BCORL1: variants seen among roughly 807,000 people sequenced by gnomAD.
The protein encoded by BCORL1 is BCL6 corepressor like 1, also known as BCL-6 corepressor-like protein 1.
Under a neutral mutation model 87.6 loss-of-function variants are expected in BCORL1, and 7 were observed. That is an observed-to-expected ratio of 0.08 (90% CI 0.05 to 0.15). The LOEUF (loss-of-function observed/expected upper bound fraction) is 0.15, where lower values mean the gene tolerates loss of function less well. BCORL1 is among the 10% of genes least tolerant of loss of function. The pLI, the probability that BCORL1 is intolerant of heterozygous loss-of-function variation, is 1.00. For synonymous variants in BCORL1, 591 were observed against 634.4 expected (o/e 0.93, Z 1.03); for missense variants, 1,215 against 1,499.7 (o/e 0.81, Z 3.13).
At chrX:129,986,307 C>A (rs1341212642) in intron 1 of BCORL1, among the ~76,000 whole-genome samples, 2 of 112,240 alleles carry the variant, frequency 1.8e-5, no homozygotes, top group Non-Finnish European at 3.8e-5. Context: ...AAGGCCCTGG[C>A]AAGCTCTGCT....
At chrX:130,055,755 T>C in intron 13 of BCORL1, 99 bp from the exon 14 acceptor site, 1 of 909,381 alleles carries the variant, frequency 1.1e-6, no homozygotes. Context: ...GAGACATTGA[T>C]GGTCGTGCAG....
At chrX:130,053,717 C>A (rs1351667170) in intron 13 of BCORL1, among the ~76,000 whole-genome samples, 1 of 111,922 alleles carries the variant, frequency 8.9e-6, no homozygotes, top group East Asian at 2.8e-4. Context: ...GTGAAAATGT[C>A]TGTTCTTCAA....
At chrX:129,985,688 A>T (rs776011677) in intron 1 of BCORL1, among the ~76,000 whole-genome samples, 1 of 110,935 alleles carries the variant, frequency 9.0e-6, no homozygotes, top group Admixed American at 9.6e-5. Flanking sequence ...AGTCATGAGG[A>T]TGTTGTTAGG....
At chrX:130,052,150 T>A (rs764059463) in intron 13 of BCORL1, 134 bp downstream of exon 13, 1 of 588,773 alleles carries the variant, frequency 1.7e-6, no homozygotes, top group South Asian at 4.3e-5. Context: ...CCTGCCCTTT[T>A]AGCCCAGAGT....
At chrX:130,012,732 G>C in intron 3 of BCORL1, 64 bp downstream of exon 3, 1 of 1,068,049 alleles carries the variant, frequency 9.4e-7, no homozygotes, top group East Asian at 3.0e-5. Flanking sequence ...CCTGGGAGGT[G>C]TGCCCAGCCT....
Position 130,037,492 on chromosome X carries a change from G to A in BCORL1, c.4653G>A (p.Glu1551=). 8.3e-7 allele frequency: 1 copy of A among 1,211,688 alleles called. No homozygotes were observed. The highest frequency in any genetic ancestry group is 1.1e-6 in the Non-Finnish European group (1 of 895,471). Residue 1551 remains glutamate, a synonymous_variant, in exon 10 of 14, where the codon GAG becomes GAA. Transcript: ENST00000540052. ...CCGACATCCTGAACATCCTGCTGGA[G>A]CACGGGGCCAACGTGAACTGCAGTG... The part of the protein sequence containing the change: ...GWTDILNILL[E]HGANVNCSAQ...
At position 130,016,167 on chromosome X, in the gene BCORL1, T is replaced by C. The variant is rs200529481; in HGVS notation, c.3395T>C (p.Leu1132Pro). 962 of 1,185,872 alleles carry C rather than the reference T, an allele frequency of 8.1e-4. No individual in the cohort carries two copies. Among genetic ancestry groups the C allele is most frequent in the Admixed American group, 7.9e-3 (325 of 41,251 alleles). ...GAGAAGGACAGTGAAGAGCAGCAGC[T>C]CCAGCCACAAGCCAAGGCCGTGGTC... ...GKEKDSEEQQ[L>P]QPQAKAVVRS... The change falls in exon 4 of 14, where the codon CTC (leucine) becomes CCC (proline). Residue 1132 changes from leucine (L) to proline (P), a missense_variant. Around this residue, in one of 5 missense-constraint regions of BCORL1, gnomAD observed 861 missense variants for 1,010.0 expected, o/e 0.85. Transcript: ENST00000540052.
chrX:130,047,820 A>G (rs1931848645), intron 11 of BCORL1, among the ~76,000 whole-genome samples: 2 of 111,830 alleles, frequency 1.8e-5, no homozygotes. Context: ...GGCAGAGACA[A>G]TGGTGAACAG....
chrX:130,036,596 C>T (rs937822683), intron 9 of BCORL1, among the ~76,000 whole-genome samples: 6 of 112,698 alleles, frequency 5.3e-5, no homozygotes, highest in African/African-American at 1.6e-4. Flanking sequence ...AGGGCTAGAA[C>T]TGACTGTCCT....
intron 1 of BCORL1, among the ~76,000 whole-genome samples, chrX:130,001,831 G>A (rs1928073785): frequency 9.0e-6 from 1 of 110,691 alleles, no homozygotes; most frequent in African/African-American, 3.3e-5. Flanking sequence ...CTAGAGGCCG[G>A]GGAAAGCTAT....
rs755327211 is a variant in BCORL1 at position 129,987,793 on chromosome X, G to A, written c.-45+5031G>A. ...ATTCATTGATTCTGGGCTGAGCTAA[G>A]CTTGGGATGAAATAGAACAGCCAAA... On this transcript the variant is annotated intron_variant, in intron 1 of 13. Transcript: ENST00000540052. Among the ~76,000 whole-genome samples, 3 of 112,080 alleles carry A rather than the reference G, an allele frequency of 2.7e-5. No individual in the cohort carries two copies. The South Asian group carries it at 1.1e-3, about 42-fold the overall frequency.
In BCORL1 at chrX:130,016,026, A is replaced by G; in HGVS notation, c.3254A>G (p.Lys1085Arg). Residue 1085 changes from lysine to arginine, a missense_variant, in exon 4 of 14, where the codon AAG (lysine) becomes AGG (arginine). Physicochemically the swap from Lys to Arg is conservative, Grantham distance 26. Transcript: ENST00000540052. ...PQRGQAEVRA[K>R]AGQARVKQES... Reference sequence around the variant, plus strand: ...AGGGGCCAAGCTGAAGTTCGGGCTAAGGCCGGGCAGGCTCGAGTGAAACAG... The same window carrying G: ...AGGGGCCAAGCTGAAGTTCGGGCTAGGGCCGGGCAGGCTCGAGTGAAACAG... 1.7e-6 allele frequency: 2 copies of G among 1,211,797 alleles called. No homozygotes were observed. The highest frequency in any genetic ancestry group is 2.2e-6 in the Non-Finnish European group (2 of 895,557).
Position 130,044,849 on chromosome X carries a change from C to T in BCORL1, c.4840+5567C>T, listed in dbSNP as rs922147672. On this transcript the variant is annotated intron_variant, in intron 11 of 13. Transcript: ENST00000540052. ...AGTACAAAGAAATGTCACTGTTTTC[C>T]GGTATCCTGAAGTGAGTCCTTTTGT... 9.8e-5 allele frequency among the ~76,000 whole-genome samples: 11 copies of T among 112,526 alleles called. No homozygotes were observed. In the South Asian group the frequency reaches 1.1e-3, roughly 11 times the overall value.
rs768984274 is a variant in BCORL1, at chrX:130,025,067, G to A, written c.3766G>A (p.Glu1256Lys). The change falls in exon 7 of 14, where the codon GAG becomes AAG. Residue 1256 changes from glutamate (E) to lysine (K), a missense_variant. By Grantham distance (56) the Glu-to-Lys change is moderately conservative. This residue lies in a region of BCORL1 where 166 missense variants were observed against 196.5 expected (regional missense o/e 0.84). Coordinates refer to ENST00000540052, the MANE Select transcript of BCORL1 (RefSeq NM_001379451.1). ...SQEVFPTEEE[E>K]EVTPTPAKRR... ...GGAAGTCTTCCCCACAGAAGAAGAA[G>A]AGGAGGTAACCCCCACCCCAGCTAA... is the stretch of plus-strand genomic sequence containing the variant. 56 of 1,210,352 alleles carry A rather than the reference G, an allele frequency of 4.6e-5. No individual in the cohort carries two copies. The highest frequency in any genetic ancestry group is 8.8e-5 in the South Asian group (5 of 56,857).
chrX:130,016,732 C>T (rs904088180), intron 4 of BCORL1, among the ~76,000 whole-genome samples: 8 of 111,553 alleles, frequency 7.2e-5, no homozygotes, highest in African/African-American at 2.3e-4. Context: ...CTGTGCTAAT[C>T]AGTTTCCTAC....
At position 130,056,783 on chromosome X, in the gene BCORL1, A is replaced by C. The variant is rs1932414540; in HGVS notation, c.*647A>C. The C allele has an allele frequency of 9.1e-6, 1 of 110,208 alleles. No homozygotes were observed. The highest frequency in any genetic ancestry group is 1.9e-5 in the Non-Finnish European group (1 of 52,697). 9.1% of individuals were successfully genotyped at this position (110,208 alleles called of 1,213,427 possible). A position where few individuals can be genotyped will look rare whatever the true frequency, so the allele number is the denominator to read the frequency against. ...GGTGGAATGGGGTGGGGGAACATGG[A>C]CTTGTGACTAACGAAGCTGGTTGCT... On this transcript the variant is annotated 3_prime_UTR_variant, in exon 14 of 14. Transcript: ENST00000540052.
intron 11 of BCORL1, among the ~76,000 whole-genome samples, chrX:130,043,776 A>ATT (rs1325474260): frequency 4.7e-5 from 1 of 21,432 alleles, no homozygotes; most frequent in African/African-American, 3.6e-4. Flanking sequence ...ATATATATAT[A>ATT]TATATATATT....
Position 130,005,683 on chromosome X carries a change from T to C in BCORL1, c.86+366T>C, listed in dbSNP as rs747901740. 4.5e-5 allele frequency among the ~76,000 whole-genome samples: 5 copies of C among 111,020 alleles called. No individual in the cohort carries two copies. The South Asian group carries it at 1.9e-3, about 42-fold the overall frequency. ...CAGGCTGGAGGGCAGTGGCACAATC[T>C]TGGCCCACTGCAACCTCCGCCTCCT... On this transcript the variant is annotated intron_variant, in intron 2 of 13. Coordinates refer to ENST00000540052, the MANE Select transcript of BCORL1 (RefSeq NM_001379451.1).
chrX:130,003,577 G>A (rs1928238958), intron 1 of BCORL1, among the ~76,000 whole-genome samples: 1 of 110,567 alleles, frequency 9.0e-6, no homozygotes, highest in South Asian at 3.8e-4. Flanking sequence ...CTCCATGTTG[G>A]TCAGGCTGGT....
Sources: gnomAD v4.1 joint callset for allele counts (sites outside exome capture counted in the v4.1 genomes callset) on GRCh38, gnomAD v4.1.1 for gene constraint, gnomAD v4.1.1 regional missense constraint, MANE v1.5 for transcripts, NCBI Gene and HGNC (gene_info 2026-07-23, HGNC 2026-07-21) for gene names.